Variants in MALRD1 observed in about 807,000 individuals in gnomAD.
MALRD1 encodes MAM and LDL-receptor class A domain-containing protein 1.
Under a neutral mutation model 242.1 loss-of-function variants are expected in MALRD1, and 247 were observed. The observed-to-expected ratio is 1.02, with a 90% confidence interval of 0.92 to 1.13. The LOEUF is 1.13. Among genes scored for constraint, MALRD1 ranks in the 50% most tolerant of loss-of-function variants. MALRD1 has a pLI of 0.00. For synonymous variants in MALRD1, 995 were observed against 866.6 expected, an observed-to-expected ratio of 1.15 and a Z score of -2.60; for missense variants, 2,989 against 2,533.1, an observed-to-expected ratio of 1.18 and a Z score of -3.86.
In MALRD1 at chr10:19,534,519, T is replaced by A. The variant is rs138850488; in HGVS notation, c.5478+3168T>A. Reference sequence around the variant, plus strand: ...TGTGGACCCATGTTTGTGGCTCTATTTTTTACAAATAATTGATGCCAAAAG... The same window carrying A: ...TGTGGACCCATGTTTGTGGCTCTATATTTTACAAATAATTGATGCCAAAAG... On this transcript the variant is annotated intron_variant, in intron 32 of 39. Coordinates refer to ENST00000454679, the MANE Select transcript of MALRD1 (RefSeq NM_001142308.3). Among the ~76,000 whole-genome samples the A allele has an allele frequency of 1.1e-3, 172 of 152,308 alleles. 1 individual carries two copies. In the East Asian group the frequency reaches 0.027, roughly 24 times the overall value.
At chr10:19,589,999 G>A (rs913732438) in intron 33 of MALRD1, among the ~76,000 whole-genome samples, 1 of 152,020 alleles carries the variant, frequency 6.6e-6, no homozygotes, top group African/African-American at 2.4e-5. Flanking sequence ...TCCCTTGCAC[G>A]GTCACTGGCC....
intron 12 of MALRD1, among the ~76,000 whole-genome samples, chr10:19,163,231 T>C (rs1231813484): frequency 7.1e-6 from 1 of 140,722 alleles, no homozygotes; most frequent in Non-Finnish European, 1.5e-5. Context: ...CTATTTACAA[T>C]AGCAAGGATA....
At chr10:19,315,185 T>G (rs1162597287) in intron 21 of MALRD1, among the ~76,000 whole-genome samples, 3 of 127,926 alleles carry the variant, frequency 2.3e-5, no homozygotes, top group Non-Finnish European at 3.2e-5. Flanking sequence ...TATAAATATA[T>G]AAATATAATT....
In MALRD1 at chr10:19,467,404, A is replaced by AAC. The variant is rs1305723273; in HGVS notation, c.5029+16915_5029+16916insCA. Among the ~76,000 whole-genome samples, 2 of 149,978 alleles carry AAC rather than the reference A, an allele frequency of 1.3e-5. 1 individual carries two copies. The highest frequency in any genetic ancestry group is 4.9e-5 in the African/African-American group (2 of 41,082). On this transcript the variant is annotated intron_variant, in intron 29 of 39. Transcript: ENST00000454679. ...CGAGACTCCGTCTCAAAAAAAAAAA[A>AAC]AAAAAAAAGAAAAAGACCTTTCTTA...
intron 28 of MALRD1, among the ~76,000 whole-genome samples, chr10:19,397,260 A>T (rs193045371): frequency 3.9e-5 from 6 of 152,162 alleles, no homozygotes; most frequent in Non-Finnish European, 1.5e-5. Context: ...TCCCCTCCAC[A>T]TTCTCTAGTA....
chr10:19,293,791 A>C (rs1175415549), intron 21 of MALRD1, among the ~76,000 whole-genome samples: 1 of 152,166 alleles, frequency 6.6e-6, no homozygotes, highest in Non-Finnish European at 1.5e-5. Context: ...AACCAGAAAA[A>C]ATAACTTGGG....
At chr10:19,333,085 A>C (rs943859022) in intron 24 of MALRD1, among the ~76,000 whole-genome samples, 1 of 151,990 alleles carries the variant, frequency 6.6e-6, no homozygotes, top group Non-Finnish European at 1.5e-5. Flanking sequence ...ATTAGAACTC[A>C]AGTATTTTGA....
At position 19,049,048 on chromosome 10, in the gene MALRD1, G is replaced by A. The variant is rs115193427; in HGVS notation, c.110G>A (p.Ser37Asn). Residue 37 changes from serine to asparagine, a missense_variant, in exon 1 of 40, where the codon AGC (serine) becomes AAC (asparagine). Ser to Asn is a conservative substitution (Grantham distance 46). Coordinates refer to ENST00000454679, the MANE Select transcript of MALRD1 (RefSeq NM_001142308.3). ...ACACTGGCTCAGCAAGGGACAGAAA[G>A]CTTTCAGTGTGACAATGGAGTCTCC... ...NSTLAQQGTE[S>N]FQCDNGVSLP... is the part of the protein sequence containing the mutation. 395 of 1,233,906 alleles carry A rather than the reference G, an allele frequency of 3.2e-4. No homozygotes were observed. In the African/African-American group the frequency reaches 5.6e-3, roughly 17 times the overall value. 76.4% of individuals were successfully genotyped at this position (1,233,906 alleles called of 1,614,324 possible).
intron 18 of MALRD1, among the ~76,000 whole-genome samples, chr10:19,224,284 CT>C (rs377702801): frequency 0.09 from 12,330 of 136,248 alleles, 642 homozygotes; most frequent in African/African-American, 0.18. Flanking sequence ...GGATGATGAG[CT>C]TTTTTTTTTT....
chr10:19,326,662 C>T (rs1264209475), intron 22 of MALRD1, among the ~76,000 whole-genome samples: 2 of 151,664 alleles, frequency 1.3e-5, no homozygotes, highest in African/African-American at 2.4e-5. Flanking sequence ...GCTAGTAACA[C>T]ATTATTTTTT....
rs995632164 is a variant in MALRD1 at position 19,317,725 on chromosome 10, C to G, written c.3420-6224C>G. On this transcript the variant is annotated intron_variant, in intron 21 of 39. Transcript: ENST00000454679. ...AATTAGAGTAACTACTCAGGAGATTCTCAACAAAGGAAAACATAGTCAGTG... is the reference window on the plus strand; with the variant it reads ...AATTAGAGTAACTACTCAGGAGATTGTCAACAAAGGAAAACATAGTCAGTG... Among the ~76,000 whole-genome samples, 7 of 151,892 alleles carry G rather than the reference C, an allele frequency of 4.6e-5. 1 individual carries two copies. Among genetic ancestry groups the G allele is most frequent in the Admixed American group, 4.6e-4 (7 of 15,196 alleles).
At chr10:19,097,690 TA>T (rs1256002360) in intron 4 of MALRD1, among the ~76,000 whole-genome samples, 4 of 152,164 alleles carry the variant, frequency 2.6e-5, no homozygotes, top group African/African-American at 7.2e-5. Context: ...TAGGTATTCC[TA>T]GCCTCTAGAT....
Position 19,636,328 on chromosome 10 carries a change from A to G in MALRD1, c.6137+20405A>G, listed in dbSNP as rs149651992. ...TTACTACCCATTGACTTTCCAATAA[A>G]GCAAATAATTCCTTGGTAAGTATTT... On this transcript the variant is annotated intron_variant, in intron 36 of 39. Coordinates refer to ENST00000454679, the MANE Select transcript of MALRD1 (RefSeq NM_001142308.3). 4.5e-3 allele frequency among the ~76,000 whole-genome samples: 692 copies of G among 152,310 alleles called. 5 individuals carry two copies. Among genetic ancestry groups the G allele is most frequent in the Admixed American group, 0.011 (169 of 15,294 alleles).
At chr10:19,426,837 T>A (rs1007631520) in intron 28 of MALRD1, among the ~76,000 whole-genome samples, 1 of 152,112 alleles carries the variant, frequency 6.6e-6, no homozygotes, top group African/African-American at 2.4e-5. Context: ...GAAAATAAAT[T>A]CTGGCATCTT....
At chr10:19,640,598 A>G (rs1840340603) in intron 36 of MALRD1, among the ~76,000 whole-genome samples, 1 of 152,194 alleles carries the variant, frequency 6.6e-6, no homozygotes, top group African/African-American at 2.4e-5. Context: ...CCTGTTCTAT[A>G]TAAGATATTT....
chr10:19,064,025 TC>T (rs2131234390), intron 1 of MALRD1, among the ~76,000 whole-genome samples: 1 of 152,218 alleles, frequency 6.6e-6, no homozygotes, highest in Non-Finnish European at 1.5e-5. Context: ...TATGAGGAAT[TC>T]TTTAGGGGTT....
intron 2 of MALRD1, among the ~76,000 whole-genome samples, chr10:19,086,620 A>C (rs1372579333): frequency 6.6e-6 from 1 of 151,994 alleles, no homozygotes; most frequent in East Asian, 1.9e-4. Context: ...ATCTGATCCA[A>C]CTCTTTCTGA....
At chr10:19,550,306 T>C (rs1353677653) in intron 32 of MALRD1, among the ~76,000 whole-genome samples, 2 of 152,228 alleles carry the variant, frequency 1.3e-5, no homozygotes, top group Middle Eastern at 3.4e-3. Context: ...CCAGAAATTG[T>C]GGTGAAGTTT....
intron 24 of MALRD1, among the ~76,000 whole-genome samples, chr10:19,334,123 T>TTG (rs1554834522): frequency 7.1e-6 from 1 of 141,026 alleles, no homozygotes; most frequent in African/African-American, 2.9e-5. Flanking sequence ...TGGTAGGTTT[T>TTG]TTTTTTTTTT....
Sources: allele counts gnomAD v4.1 joint callset (sites outside exome capture counted in the v4.1 genomes callset), GRCh38; gene constraint gnomAD v4.1.1; transcripts MANE v1.5; gene names NCBI Gene and HGNC (gene_info 2026-07-23, HGNC 2026-07-21).